Variants in DNMT1 observed in about 807,000 individuals in gnomAD.
DNMT1 encodes the protein DNA methyltransferase 1.
Under a neutral mutation model 205.3 loss-of-function variants are expected in DNMT1, and 24 were observed. The observed-to-expected ratio is 0.12, with a 90% CI of 0.08 to 0.16. The LOEUF (loss-of-function observed/expected upper bound fraction) is 0.16. Among genes scored for constraint, DNMT1 ranks in the 10% least tolerant of loss-of-function variants. The pLI is 1.00. For synonymous variants in DNMT1, 817 were observed against 839.8 expected, an observed-to-expected ratio of 0.97 and a Z score of 0.47; for missense variants, 1,293 against 2,177.7, an observed-to-expected ratio of 0.59 and a Z score of 8.09.
intron 1 of DNMT1, among the ~76,000 whole-genome samples, chr19:10,185,585 G>A (rs1207066616): frequency 6.6e-6 from 1 of 152,080 alleles, no homozygotes; most frequent in African/African-American, 2.4e-5. Flanking sequence ...CCAGCACCTT[G>A]GGAGGCCAAG....
chr19:10,160,712 T>C (rs1309013900), intron 13 of DNMT1, among the ~76,000 whole-genome samples: 1 of 151,594 alleles, frequency 6.6e-6, no homozygotes, highest in Non-Finnish European at 1.5e-5. Flanking sequence ...CTGGCCAACA[T>C]GGCGAAATCA....
intron 1 of DNMT1, among the ~76,000 whole-genome samples, chr19:10,184,743 G>A (rs901322086): frequency 1.3e-5 from 2 of 152,212 alleles, no homozygotes; most frequent in Admixed American, 6.5e-5. Context: ...TACAGACTGC[G>A]GGGTGAGAAC....
In DNMT1 at chr19:10,160,261, C is replaced by T. The variant is rs1355055974; in HGVS notation, c.1043+123G>A. 6.5e-6 allele frequency: 10 copies of T among 1,541,498 alleles called. No individual in the cohort carries two copies. The Middle Eastern group carries it at 5.0e-4, about 78-fold the overall frequency. Reference sequence around the variant, plus strand: ...TGACGCACCTTGGTCCTATGTTCACCAACCCGATCCAAAATGAGCCTAAGG... The same window carrying T: ...TGACGCACCTTGGTCCTATGTTCACTAACCCGATCCAAAATGAGCCTAAGG... On this transcript the variant is annotated intron_variant, in intron 14 of 40. Coordinates refer to ENST00000359526, the MANE Select transcript of DNMT1 (RefSeq NM_001130823.3).
rs777602633 is a variant in DNMT1, at chr19:10,135,725, G to A, written c.4773+11C>T. On this transcript the variant is annotated intron_variant, in intron 39 of 40. Transcript: ENST00000359526. ...TTCCTGTCCAGACCCAGCGGGCGCC[G>A]CCCCACTGACCTGCCGGTGCTTGTC... 58 of 1,604,994 alleles carry A rather than the reference G, an allele frequency of 3.6e-5. No individual in the cohort carries two copies. Among genetic ancestry groups the A allele is most frequent in the Admixed American group, 1.9e-4 (11 of 59,424 alleles).
intron 12 of DNMT1, chr19:10,163,049 C>T: frequency 1.8e-6 from 1 of 562,100 alleles, no homozygotes; most frequent in South Asian, 2.1e-5. Context: ...ACTGCAACCT[C>T]CACCTCCTGG....
At chr19:10,163,285 G>A (rs187833356) in intron 12 of DNMT1, 41 bp downstream of exon 12, 116 of 1,611,056 alleles carry the variant, frequency 7.2e-5, no homozygotes, top group Non-Finnish European at 9.1e-5. Context: ...GCTTTCTACT[G>A]ATCCAGATGA....
intron 8 of DNMT1, among the ~76,000 whole-genome samples, chr19:10,173,400 T>G (rs2038865662): frequency 6.6e-6 from 1 of 152,066 alleles, no homozygotes; most frequent in Non-Finnish European, 1.5e-5. Flanking sequence ...GAATTCTACT[T>G]GAATCTAAAC....
rs557864195 is a variant in DNMT1, at chr19:10,146,997, G to A, written c.2721-473C>T. On this transcript the variant is annotated intron_variant, in intron 27 of 40. Transcript: ENST00000359526. The surrounding 1 kb of genome is among the most constrained non-coding windows in gnomAD (Gnocchi z 4.4). ...ATCAAGGCCCAGCATGGTGGCTCAT[G>A]TCTGTAATCCCAGCCCTTTGGGAGG... 6.6e-6 allele frequency among the ~76,000 whole-genome samples: 1 copy of A among 152,326 alleles called. No homozygotes were observed. Among genetic ancestry groups the A allele is most frequent in the South Asian group, 2.1e-4 (1 of 4,830 alleles).
In DNMT1 at chr19:10,146,253, G is replaced by A. The variant is rs897394200; in HGVS notation, c.2894+98C>T. On this transcript the variant is annotated intron_variant, in intron 28 of 40. Transcript: ENST00000359526. The surrounding 1 kb of genome is among the most constrained non-coding windows in gnomAD (Gnocchi z 4.4). The stretch of plus-strand genomic sequence containing the variant: ...TGACGGCTAGGACAACAGCTGGTGC[G>A]GAGGGATTGGCAATGTCTGTAAGGA... The A allele has an allele frequency of 5.6e-5, 81 of 1,435,684 alleles. No individual in the cohort carries two copies. The highest frequency in any genetic ancestry group is 2.4e-4 in the Middle Eastern group (1 of 4,212). The allele number at this position is 1,435,684 out of a possible 1,614,324, so 88.9% of individuals were successfully genotyped here. A position where few individuals can be genotyped will look rare whatever the true frequency, so the allele number is the denominator to read the frequency against.
At position 10,141,840 on chromosome 19, in the gene DNMT1, T is replaced by G. The variant is rs1471496052; in HGVS notation, c.3309+188A>C. ...CGGGACCACTTGAATCTCATACAAC[T>G]TGTGCTCTGGAGAACCCTGCTCAGA... On this transcript the variant is annotated intron_variant, in intron 30 of 40. Coordinates refer to ENST00000359526, the MANE Select transcript of DNMT1 (RefSeq NM_001130823.3). 4.7e-6 allele frequency: 3 copies of G among 634,340 alleles called. No homozygotes were observed. In the East Asian group the frequency reaches 8.3e-5, roughly 18 times the overall value. The allele number at this position is 634,340 out of a possible 1,614,324, so 39.3% of individuals were successfully genotyped here. A position where few individuals can be genotyped will look rare whatever the true frequency, so the allele number is the denominator to read the frequency against.
rs191551568 is a variant in DNMT1, at chr19:10,193,159, G to A, written c.80+1661C>T. ...GCTTGAGGGCAGGGGTTTAAGACCAGCCTGGGCAATATGGTGAAACCTCAC... is the reference window on the plus strand; with the variant it reads ...GCTTGAGGGCAGGGGTTTAAGACCAACCTGGGCAATATGGTGAAACCTCAC... On this transcript the variant is annotated intron_variant, in intron 1 of 40. Transcript: ENST00000359526. Among the ~76,000 whole-genome samples, 9 of 152,260 alleles carry A rather than the reference G, an allele frequency of 5.9e-5. No individual in the cohort carries two copies. The East Asian group carries it at 1.7e-3, about 29-fold the overall frequency.
chr19:10,161,924 C>T (rs912272200), intron 13 of DNMT1, among the ~76,000 whole-genome samples: 1 of 151,424 alleles, frequency 6.6e-6, no homozygotes, highest in Non-Finnish European at 1.5e-5. Flanking sequence ...TCACTGCAAC[C>T]TCTACCTCCT....
intron 11 of DNMT1, among the ~76,000 whole-genome samples, chr19:10,163,658 G>A (rs1318952971): frequency 6.6e-6 from 1 of 152,206 alleles, no homozygotes; most frequent in Non-Finnish European, 1.5e-5. Context: ...TGACCACGTG[G>A]TCTGTGTCAG....
At chr19:10,141,871 G>T in intron 30 of DNMT1, 157 bp downstream of exon 30, 1 of 827,314 alleles carries the variant, frequency 1.2e-6, no homozygotes, top group Non-Finnish European at 1.9e-6. Context: ...TCAGACCCCC[G>T]TAAAGCTCCT....
chr19:10,165,424 G>A (rs890104762), intron 11 of DNMT1, among the ~76,000 whole-genome samples: 5 of 152,066 alleles, frequency 3.3e-5, no homozygotes, highest in Admixed American at 6.6e-5. Flanking sequence ...ACAGAGTCTC[G>A]CTCTGTTGCC....
intron 2 of DNMT1, among the ~76,000 whole-genome samples, chr19:10,181,764 G>A (rs2145382137): frequency 6.6e-6 from 1 of 151,972 alleles, no homozygotes; most frequent in East Asian, 1.9e-4. Flanking sequence ...GGGAGGCAGA[G>A]GTCACAGTGA....
chr19:10,141,258 A>C, intron 30 of DNMT1, 69 bp from the exon 31 acceptor site: 2 of 1,517,480 alleles, frequency 1.3e-6, no homozygotes, highest in Non-Finnish European at 1.8e-6. Context: ...CAGACTAGTA[A>C]GAAGGCAATT....
intron 3 of DNMT1, 77 bp from the exon 4 acceptor site, chr19:10,180,646 TTCATCATCATCATCA>T (rs3217302): frequency 6.8e-6 from 10 of 1,467,312 alleles, no homozygotes; most frequent in South Asian, 2.3e-5. Context: ...ATGTGTTTCC[TTCATCATCATCATCA>T]TCATCATCAT....
chr19:10,177,013 G>C (rs2038950056), intron 6 of DNMT1, among the ~76,000 whole-genome samples: 1 of 152,152 alleles, frequency 6.6e-6, no homozygotes, highest in African/African-American at 2.4e-5. Context: ...GGGTATAGAT[G>C]AAACAACGGC....
Sources: allele counts gnomAD v4.1 joint callset (sites outside exome capture counted in the v4.1 genomes callset), GRCh38; gene constraint gnomAD v4.1.1; non-coding constraint Gnocchi (gnomAD v3.1); transcripts MANE v1.5; gene names NCBI Gene and HGNC (gene_info 2026-07-23, HGNC 2026-07-21).